Variants in INSL6 observed in about 807,000 individuals in gnomAD.
The protein encoded by INSL6 is insulin-like peptide INSL6.
INSL6 carries 16 observed loss-of-function variants against 9.4 expected under a neutral mutation model. The observed-to-expected ratio is 1.70, with a 90% CI of 1.15 to 2.59. The LOEUF is 2.59. Among genes scored for constraint, INSL6 ranks in the 30% most tolerant of loss-of-function variants. The pLI is 0.00. For missense variants in INSL6, 391 were observed against 257.3 expected (o/e 1.52, Z -3.56); for synonymous variants, 154 against 96.9 (o/e 1.59, Z -3.46).
chr9:5,085,197 A>G, the INSL6 span: 1 of 660,800 alleles, frequency 1.5e-6, no homozygotes, highest in Non-Finnish European at 2.9e-6. Context: ...TCATGATCAT[A>G]GCATTCATTT....
the INSL6 span, chr9:5,029,668 A>G: frequency 1.1e-6 from 1 of 889,858 alleles, no homozygotes; most frequent in South Asian, 2.0e-5. Flanking sequence ...GACTGCTATT[A>G]CATTTTGTTC....
the INSL6 span, among the ~76,000 whole-genome samples, chr9:5,102,045 G>A: frequency 1.4e-4 from 21 of 152,242 alleles, no homozygotes; most frequent in Middle Eastern, 3.4e-3. Flanking sequence ...TGACTTTGAC[G>A]AGCTGACAGA....
At chr9:5,163,850 A>T, downstream of INSL6, 1 of 1,033,522 alleles carries the variant, frequency 9.7e-7, no homozygotes, top group Non-Finnish European at 1.4e-6. Flanking sequence ...CACAATTACA[A>T]AAAAAAATAG....
At chr9:5,083,429 A>G in the INSL6 span, among the ~76,000 whole-genome samples, 1 of 152,208 alleles carries the variant, frequency 6.6e-6, no homozygotes, top group African/African-American at 2.4e-5. Flanking sequence ...GTTGTCTGTT[A>G]TTATCAGCTA....
chr9:5,121,200 A>T (rs1413850709), downstream of INSL6, among the ~76,000 whole-genome samples: 1 of 152,166 alleles, frequency 6.6e-6, no homozygotes, highest in African/African-American at 2.4e-5. Context: ...CAATTTTATG[A>T]TTGAGTAAGC....
chr9:5,126,582 C>A, intron 3 of INSL6: 1 of 945,284 alleles, frequency 1.1e-6, no homozygotes, highest in Non-Finnish European at 1.6e-6. Context: ...TGGAACAAGG[C>A]ATGGTTATGA....
intron 1 of INSL6, among the ~76,000 whole-genome samples, chr9:5,180,182 T>C (rs1340181859): frequency 6.6e-6 from 1 of 152,228 alleles, no homozygotes; most frequent in Admixed American, 6.5e-5. Context: ...TAATTTCTTA[T>C]GCCTGTCTTT....
the INSL6 span, among the ~76,000 whole-genome samples, chr9:5,086,923 T>C: frequency 6.6e-6 from 1 of 152,220 alleles, no homozygotes; most frequent in Non-Finnish European, 1.5e-5. Context: ...TCCACAATTA[T>C]ATCACCCCCC....
the INSL6 span, among the ~76,000 whole-genome samples, chr9:5,028,734 CT>C: frequency 6.6e-6 from 1 of 152,168 alleles, no homozygotes; most frequent in African/African-American, 2.4e-5. Context: ...GACATGGTTT[CT>C]TTTCTTAAAC....
intron 1 of INSL6, among the ~76,000 whole-genome samples, chr9:5,165,101 C>T (rs550555904): frequency 1.3e-5 from 2 of 152,280 alleles, no homozygotes; most frequent in South Asian, 2.1e-4. Context: ...ATACCAGCTA[C>T]TTGGGATGCT....
chr9:5,122,454 C>G (rs1169014165), downstream of INSL6, among the ~76,000 whole-genome samples: 1 of 152,064 alleles, frequency 6.6e-6, no homozygotes, highest in African/African-American at 2.4e-5. Context: ...TCATTTAAAG[C>G]TTAACTTGCA....
At chr9:5,140,939 CTTATAACTGAGAA>C (rs1824483717) in intron 2 of INSL6, among the ~76,000 whole-genome samples, 1 of 152,084 alleles carries the variant, frequency 6.6e-6, no homozygotes, top group African/African-American at 2.4e-5. Flanking sequence ...TTAGCTCCCA[CTTATAACTGAGAA>C]CATGCGGTAT....
At chr9:5,177,128 C>G (rs1586878942) in intron 1 of INSL6, among the ~76,000 whole-genome samples, 1 of 152,046 alleles carries the variant, frequency 6.6e-6, no homozygotes, top group African/African-American at 2.4e-5. Context: ...TGATCCATGG[C>G]GCTCAGGGAG....
chr9:5,091,646 T>C, the INSL6 span: 1 of 152,186 alleles, frequency 6.6e-6, no homozygotes, highest in Admixed American at 6.5e-5. Context: ...TTTGGTCAGA[T>C]ACAGTAATGG....
At chr9:5,101,843 G>A in the INSL6 span, among the ~76,000 whole-genome samples, 1 of 152,146 alleles carries the variant, frequency 6.6e-6, no homozygotes, top group Non-Finnish European at 1.5e-5. Flanking sequence ...CAAACAGAAA[G>A]GAATAGCATC....
the INSL6 span, among the ~76,000 whole-genome samples, chr9:5,104,794 C>A: frequency 6.6e-6 from 1 of 152,120 alleles, no homozygotes; most frequent in Non-Finnish European, 1.5e-5. Context: ...ATAAACAGAA[C>A]CAATGACAAA....
At chr9:5,183,659 T>C (rs990566386) in intron 1 of INSL6, among the ~76,000 whole-genome samples, 3 of 151,996 alleles carry the variant, frequency 2.0e-5, no homozygotes, top group Non-Finnish European at 4.4e-5. Flanking sequence ...TATTATAGCA[T>C]AGGTAGTGAA....
At chr9:4,994,380 A>G in the INSL6 span, among the ~76,000 whole-genome samples, 246 of 152,252 alleles carry the variant, frequency 1.6e-3, 1 homozygote, top group African/African-American at 5.2e-3. Flanking sequence ...TTGAAACACA[A>G]ATTGCCGCTG....
chr9:5,001,294 A>G, the INSL6 span, among the ~76,000 whole-genome samples: 1 of 152,320 alleles, frequency 6.6e-6, no homozygotes, highest in South Asian at 2.1e-4. Flanking sequence ...AAAGCATTCA[A>G]TATGTAATCA....
Sources: allele counts gnomAD v4.1 joint callset (sites outside exome capture counted in the v4.1 genomes callset), GRCh38; gene constraint gnomAD v4.1.1; transcripts MANE v1.5; gene names NCBI Gene and HGNC (gene_info 2026-07-23, HGNC 2026-07-21).